Variants in CPPED1 observed in about 807,000 individuals in gnomAD.
CPPED1 encodes serine/threonine-protein phosphatase CPPED1.
A neutral mutation model predicts 28.0 loss-of-function variants in CPPED1; 28 were observed. That is an observed-to-expected ratio of 1.00 (90% CI 0.74 to 1.37). The LOEUF is 1.37. Among genes scored for constraint, CPPED1 ranks in the 40% most tolerant of loss-of-function variants. CPPED1 has a pLI of 0.00. For missense variants in CPPED1, 504 were observed against 416.5 expected (o/e 1.21, Z -1.83); for synonymous variants, 198 against 180.2 (o/e 1.10, Z -0.79).
intron 2 of CPPED1, among the ~76,000 whole-genome samples, chr16:12,721,278 C>T (rs954523141): frequency 2.1e-4 from 32 of 152,172 alleles, no homozygotes; most frequent in African/African-American, 7.7e-4. Context: ...AGATGATACA[C>T]ATTTTGTGTT....
At chr16:12,741,269 G>T (rs1166223783) in intron 2 of CPPED1, among the ~76,000 whole-genome samples, 3 of 148,046 alleles carry the variant, frequency 2.0e-5, no homozygotes, top group African/African-American at 7.4e-5. Context: ...TTAAAAATCA[G>T]CAGAAAAAAA....
intron 2 of CPPED1, among the ~76,000 whole-genome samples, chr16:12,716,790 G>T (rs910375896): frequency 1.3e-5 from 2 of 152,192 alleles, no homozygotes; most frequent in African/African-American, 2.4e-5. Flanking sequence ...CTGTGTGCTA[G>T]GTAACAGCAT....
At position 12,709,905 on chromosome 16, in the gene CPPED1, GGGGAAGGAA is replaced by G. The variant is rs113544358; in HGVS notation, c.290-4865_290-4857del. Among the ~76,000 whole-genome samples the G allele has an allele frequency of 0.62, 83,354 of 134,710 alleles. 26,246 individuals carry two copies. Among genetic ancestry groups the G allele is most frequent in the African/African-American group, 0.74 (25,313 of 34,058 alleles). 88.4% of individuals were successfully genotyped at this position (134,710 alleles called of 152,430 possible). A position where few individuals can be genotyped will look rare whatever the true frequency, so the allele number is the denominator to read the frequency against. ...AGGAAGGGAAGGAAGGGAAAGACGG[GGGGAAGGAA>G]GGGAAGGAAGGGAAGGAAGGGAAGG... On this transcript the variant is annotated intron_variant, in intron 2 of 3. Transcript: ENST00000381774. This position sits in a 1 kb window ranked among gnomAD's most constrained non-coding sequence, Gnocchi z 4.4.
chr16:12,788,321 A>G (rs1217629960), intron 1 of CPPED1, among the ~76,000 whole-genome samples: 7 of 152,190 alleles, frequency 4.6e-5, no homozygotes, highest in African/African-American at 1.4e-4. Context: ...TCAGCCATGG[A>G]TGGTAATATA....
intron 1 of CPPED1, among the ~76,000 whole-genome samples, chr16:12,800,312 C>A (rs1166568982): frequency 1.3e-5 from 2 of 151,976 alleles, no homozygotes; most frequent in East Asian, 1.9e-4. Flanking sequence ...GTGGTACATG[C>A]CTGTAATCCC....
At chr16:12,719,915 G>A (rs993981725) in intron 2 of CPPED1, among the ~76,000 whole-genome samples, 88 of 151,368 alleles carry the variant, frequency 5.8e-4, no homozygotes, top group African/African-American at 2.0e-3. Flanking sequence ...CAGCCTAGGC[G>A]ACAAGAGCAA....
intron 2 of CPPED1, among the ~76,000 whole-genome samples, chr16:12,765,791 G>C (rs529722751): frequency 1.3e-5 from 2 of 152,138 alleles, no homozygotes; most frequent in African/African-American, 4.8e-5. Flanking sequence ...TTCTGGGTTC[G>C]CGAAATATAT....
chr16:12,734,548 T>G (rs1006130250), intron 2 of CPPED1, among the ~76,000 whole-genome samples: 3 of 152,012 alleles, frequency 2.0e-5, no homozygotes, highest in African/African-American at 7.2e-5. Context: ...CCCGGCTAAT[T>G]TTCTGGATTT....
chr16:12,766,190 C>T (rs1357994031), intron 2 of CPPED1, among the ~76,000 whole-genome samples: 6 of 147,622 alleles, frequency 4.1e-5, no homozygotes, highest in Admixed American at 2.0e-4. Flanking sequence ...GTCAGGAGTT[C>T]GAGACCAGCC....
At chr16:12,764,559 C>G (rs2080428639) in intron 2 of CPPED1, among the ~76,000 whole-genome samples, 1 of 152,086 alleles carries the variant, frequency 6.6e-6, no homozygotes, top group South Asian at 2.1e-4. Context: ...AGGCTGGTCT[C>G]AAACTCCTGA....
intron 3 of CPPED1, among the ~76,000 whole-genome samples, chr16:12,690,223 T>G (rs2079955186): frequency 6.6e-6 from 1 of 152,008 alleles, no homozygotes; most frequent in Non-Finnish European, 1.5e-5. Context: ...AAAGACACCA[T>G]CAAGAAGGCC....
intron 3 of CPPED1, among the ~76,000 whole-genome samples, chr16:12,701,838 C>G (rs1483607972): frequency 6.6e-6 from 1 of 152,192 alleles, no homozygotes; most frequent in African/African-American, 2.4e-5. Flanking sequence ...CATGAAATAA[C>G]CAAGTGCCTT....
chr16:12,687,461 G>A lies in CPPED1; in HGVS notation c.715+17163C>T, dbSNP rs140358825. 2.3e-3 allele frequency among the ~76,000 whole-genome samples: 345 copies of A among 152,228 alleles called. 2 individuals carry two copies. Among genetic ancestry groups the A allele is most frequent in the African/African-American group, 7.9e-3 (329 of 41,546 alleles). Reference sequence around the variant, plus strand: ...GCTTGGCCAGGGATTTGGCCATAGTGTCAGTGACCTCAACAAGATTAAGAA... The same window carrying A: ...GCTTGGCCAGGGATTTGGCCATAGTATCAGTGACCTCAACAAGATTAAGAA... On this transcript the variant is annotated intron_variant, in intron 3 of 3. Coordinates refer to ENST00000381774, the MANE Select transcript of CPPED1 (RefSeq NM_018340.3).
chr16:12,749,252 T>C (rs2080311596), intron 2 of CPPED1, among the ~76,000 whole-genome samples: 1 of 152,254 alleles, frequency 6.6e-6, no homozygotes, highest in South Asian at 2.1e-4. Flanking sequence ...TGCCACTGCA[T>C]TGTGAGTTTA....
chr16:12,740,444 C>CTAA (rs2080249256), intron 2 of CPPED1, among the ~76,000 whole-genome samples: 5 of 100,260 alleles, frequency 5.0e-5, no homozygotes, highest in East Asian at 2.8e-4. Context: ...GACTCTGCCT[C>CTAA]AAAAAAAAAA....
chr16:12,723,874 C>T (rs2080155388), intron 2 of CPPED1, among the ~76,000 whole-genome samples: 1 of 152,122 alleles, frequency 6.6e-6, no homozygotes, highest in Middle Eastern at 3.2e-3. Flanking sequence ...ACTGCCTCCA[C>T]CACACGGGGA....
intron 1 of CPPED1, among the ~76,000 whole-genome samples, chr16:12,787,127 C>G (rs2080568187): frequency 6.6e-6 from 1 of 152,060 alleles, no homozygotes; most frequent in South Asian, 2.1e-4. Context: ...AAAAATTAAC[C>G]CAGTCAGGGG....
chr16:12,706,227 A>G (rs766231509), intron 2 of CPPED1, among the ~76,000 whole-genome samples: 5 of 151,976 alleles, frequency 3.3e-5, no homozygotes, highest in African/African-American at 9.7e-5. Context: ...AAAGCCTCAC[A>G]TGTATTCATG....
In CPPED1 at chr16:12,757,007, GGTAA is replaced by G. The variant is rs373515896; in HGVS notation, c.289+24174_289+24177del. On this transcript the variant is annotated intron_variant, in intron 2 of 3. Transcript: ENST00000381774. ...GTTTATCTTCACAAACTAGAATCAG[GGTAA>G]GTAAGGTAGGACCCTATTATAGCAC... Among the ~76,000 whole-genome samples, 923 of 152,246 alleles carry G rather than the reference GGTAA, an allele frequency of 6.1e-3. 10 individuals are homozygous for G. Among genetic ancestry groups the G allele is most frequent in the African/African-American group, 0.021 (884 of 41,546 alleles).
Sources: allele counts gnomAD v4.1 joint callset (sites outside exome capture counted in the v4.1 genomes callset), GRCh38; gene constraint gnomAD v4.1.1; non-coding constraint Gnocchi (gnomAD v3.1); transcripts MANE v1.5; gene names NCBI Gene and HGNC (gene_info 2026-07-23, HGNC 2026-07-21).